AGBL1: variants seen among roughly 807,000 people sequenced by gnomAD.
AGBL1 encodes the protein AGBL carboxypeptidase 1, also known as cytosolic carboxypeptidase 4.
A neutral mutation model predicts 118.9 loss-of-function variants in AGBL1; 130 were observed. That is an observed-to-expected ratio of 1.09 (90% CI 0.95 to 1.26). AGBL1 has a LOEUF of 1.26. AGBL1 is among the 50% of genes most tolerant of loss of function. AGBL1 has a pLI of 0.00. For synonymous variants in AGBL1, 555 were observed against 478.9 expected (o/e 1.16, Z -2.08); for missense variants, 1,584 against 1,298.1 (o/e 1.22, Z -3.38).
At chr15:86,803,531 C>T (rs75448811) in intron 22 of AGBL1, among the ~76,000 whole-genome samples, 61 of 152,226 alleles carry the variant, frequency 4.0e-4, no homozygotes, top group African/African-American at 1.5e-3. Context: ...TATCCTGCCT[C>T]GTTTCAGAAA....
intron 22 of AGBL1, among the ~76,000 whole-genome samples, chr15:86,768,309 T>A (rs56204370): frequency 6.6e-6 from 1 of 151,926 alleles, no homozygotes; most frequent in Non-Finnish European, 1.5e-5. Context: ...TAACATAATA[T>A]AACGTAATGT....
chr15:86,364,986 TATACACACACAC>T (rs1328467316), intron 17 of AGBL1, among the ~76,000 whole-genome samples: 29 of 75,090 alleles, frequency 3.9e-4, no homozygotes, highest in African/African-American at 8.7e-4. Flanking sequence ...TATATATATA[TATACACACACAC>T]ATATATATAT....
intron 17 of AGBL1, among the ~76,000 whole-genome samples, chr15:86,385,455 AT>A (rs1450587360): frequency 6.6e-6 from 1 of 152,200 alleles, no homozygotes; most frequent in African/African-American, 2.4e-5. Context: ...CAGAATCTGC[AT>A]TTCAGCAAGA....
intron 21 of AGBL1, among the ~76,000 whole-genome samples, chr15:86,584,968 T>G (rs2084224857): frequency 6.6e-6 from 1 of 152,182 alleles, no homozygotes; most frequent in Admixed American, 6.6e-5. Context: ...ATTGTGTTCT[T>G]GATTTGGCTC....
chr15:86,869,531 A>T (rs17702874), intron 22 of AGBL1, among the ~76,000 whole-genome samples: 17,567 of 152,220 alleles, frequency 0.12, 1,277 homozygotes, highest in Non-Finnish European at 0.15. Context: ...CTTGGGGCAC[A>T]GTCTAGAAGT....
intron 22 of AGBL1, among the ~76,000 whole-genome samples, chr15:86,788,841 A>G (rs529469062): frequency 6.6e-6 from 1 of 152,328 alleles, no homozygotes; most frequent in East Asian, 1.9e-4. Context: ...GACGTACAAA[A>G]TTCAGAAGAA....
intron 18 of AGBL1, among the ~76,000 whole-genome samples, chr15:86,522,089 C>G (rs1188174535): frequency 6.6e-6 from 1 of 152,170 alleles, no homozygotes; most frequent in Non-Finnish European, 1.5e-5. Flanking sequence ...CTTTCACTAC[C>G]AGCTAGGTCA....
intron 22 of AGBL1, among the ~76,000 whole-genome samples, chr15:86,802,875 T>C (rs1379353001): frequency 6.6e-6 from 1 of 152,138 alleles, no homozygotes; most frequent in Non-Finnish European, 1.5e-5. Context: ...TTTCTTTATC[T>C]ACAAAAGGAA....
At chr15:86,103,428 C>T (rs1489507669) in intron 1 of AGBL1, among the ~76,000 whole-genome samples, 4 of 151,802 alleles carry the variant, frequency 2.6e-5, no homozygotes, top group Admixed American at 6.6e-5. Context: ...TTTCATGTTT[C>T]GTTTGTCCTT....
chr15:86,431,555 G>T (rs907094410), intron 18 of AGBL1, among the ~76,000 whole-genome samples: 5 of 152,202 alleles, frequency 3.3e-5, no homozygotes, highest in African/African-American at 1.2e-4. Context: ...AAAGAACTAT[G>T]TGTAAAATAT....
At chr15:86,889,592 T>C (rs1225029435) in intron 22 of AGBL1, among the ~76,000 whole-genome samples, 1 of 152,138 alleles carries the variant, frequency 6.6e-6, no homozygotes, top group African/African-American at 2.4e-5. Flanking sequence ...TTCCCCTCCA[T>C]GTGTCCATGT....
chr15:86,477,691 C>T (rs1472766418), intron 18 of AGBL1, among the ~76,000 whole-genome samples: 4 of 152,122 alleles, frequency 2.6e-5, no homozygotes, highest in African/African-American at 7.2e-5. Context: ...GAAACTATTC[C>T]AATTAACAGA....
intron 21 of AGBL1, among the ~76,000 whole-genome samples, chr15:86,667,136 C>G (rs1022401543): frequency 2.0e-5 from 3 of 151,980 alleles, no homozygotes; most frequent in African/African-American, 4.8e-5. Context: ...GAAAAATACT[C>G]TCTAAATCAT....
intron 1 of AGBL1, among the ~76,000 whole-genome samples, chr15:86,095,418 TCCAGTCA>T (rs1481489382): frequency 1.3e-5 from 2 of 152,076 alleles, no homozygotes; most frequent in Non-Finnish European, 2.9e-5. Context: ...TCTAGGGTCC[TCCAGTCA>T]CCAGCCATCT....
Position 86,267,022 on chromosome 15 carries a change from G to A in AGBL1, c.1784G>A (p.Arg595Gln), listed in dbSNP as rs373676885. 5.3e-5 allele frequency: 84 copies of A among 1,571,502 alleles called. No homozygotes were observed. In the Admixed American group the frequency reaches 5.9e-4, roughly 11 times the overall value. ...CAAGACAATGCTTCCAATTGTTTAC[G>A]GTTCTTCTCCAAATTTGAGTCAGGA... ...PLQDNASNCL[R>Q]FFSKFESGNL... Residue 595 changes from arginine to glutamine, a missense_variant, in exon 13 of 23, where the codon CGG (arginine) becomes CAG (glutamine). Coordinates refer to ENST00000614907, the MANE Select transcript of AGBL1 (RefSeq NM_001386094.1).
At chr15:86,689,804 A>C (rs1021892693) in intron 22 of AGBL1, among the ~76,000 whole-genome samples, 1 of 152,184 alleles carries the variant, frequency 6.6e-6, no homozygotes, top group Non-Finnish European at 1.5e-5. Flanking sequence ...TTACAGATTG[A>C]AATGATGGAT....
At chr15:86,942,790 A>G (rs560240697) in intron 23 of AGBL1, among the ~76,000 whole-genome samples, 2 of 152,250 alleles carry the variant, frequency 1.3e-5, no homozygotes, top group African/African-American at 4.8e-5. Context: ...ATTTCATTCC[A>G]GTTCATTTCT....
chr15:86,318,501 T>C (rs1419989752), intron 17 of AGBL1, among the ~76,000 whole-genome samples: 1 of 152,122 alleles, frequency 6.6e-6, no homozygotes, highest in Non-Finnish European at 1.5e-5. Context: ...GTTTTTTTTT[T>C]TCCCATTCAT....
At chr15:86,635,673 G>A (rs548199859) in intron 21 of AGBL1, among the ~76,000 whole-genome samples, 3 of 151,886 alleles carry the variant, frequency 2.0e-5, no homozygotes, top group South Asian at 4.2e-4. Context: ...AATAACATTC[G>A]GGAGTTCCTC....
Sources: gnomAD v4.1 joint callset for allele counts (sites outside exome capture counted in the v4.1 genomes callset) on GRCh38, gnomAD v4.1.1 for gene constraint, MANE v1.5 for transcripts, NCBI Gene and HGNC (gene_info 2026-07-23, HGNC 2026-07-21) for gene names.